The following UHRF2 variants were observed in gnomAD, a reference collection of about 807,000 sequenced individuals.
The protein encoded by UHRF2 is E3 ubiquitin-protein ligase UHRF2.
A neutral mutation model predicts 96.8 loss-of-function variants in UHRF2; 23 were observed. The observed-to-expected ratio is 0.24, with a 90% CI of 0.17 to 0.34. The LOEUF (loss-of-function observed/expected upper bound fraction) is 0.34, where lower values mean the gene tolerates loss of function less well. Among genes scored for constraint, UHRF2 ranks in the 10% least tolerant of loss-of-function variants. The pLI is 1.00. For synonymous variants in UHRF2, 385 were observed against 332.6 expected (o/e 1.16, Z -1.72); for missense variants, 685 against 981.5 (o/e 0.70, Z 4.04).
chr9:6,425,006 T>G (rs1373812029), intron 2 of UHRF2, among the ~76,000 whole-genome samples: 1 of 152,182 alleles, frequency 6.6e-6, no homozygotes, highest in Non-Finnish European at 1.5e-5. Context: ...AACACTGATG[T>G]GAACCTTAAT....
At chr9:6,434,257 G>A in intron 3 of UHRF2, 84 bp downstream of exon 3, 2 of 1,443,444 alleles carry the variant, frequency 1.4e-6, no homozygotes, top group Non-Finnish European at 9.2e-7. Flanking sequence ...ATTTTAAATA[G>A]TCTTTCTGAA....
chr9:6,493,594 T>A (rs1824800676), intron 9 of UHRF2, among the ~76,000 whole-genome samples: 1 of 152,226 alleles, frequency 6.6e-6, no homozygotes, highest in Non-Finnish European at 1.5e-5. Flanking sequence ...AGACTAACCA[T>A]ATTTGGAGAT....
chr9:6,413,852 C>G, intron 1 of UHRF2: 2 of 524,658 alleles, frequency 3.8e-6, no homozygotes, highest in African/African-American at 2.0e-5. Context: ...ACTGGAGGTG[C>G]GCCGCGCGGG....
At chr9:6,504,788 C>T (rs1442833380) in intron 15 of UHRF2, 97 bp downstream of exon 15, 13 of 935,300 alleles carry the variant, frequency 1.4e-5, no homozygotes, top group Middle Eastern at 2.2e-4. Flanking sequence ...TTCCGTGAAG[C>T]GGGATAGTTG....
intron 9 of UHRF2, among the ~76,000 whole-genome samples, chr9:6,489,687 T>C (rs1046891313): frequency 6.6e-6 from 1 of 152,084 alleles, no homozygotes; most frequent in African/African-American, 2.4e-5. Context: ...TTTAGTAGTA[T>C]AGCACTTCAG....
chr9:6,486,843 G>A lies in UHRF2; in HGVS notation c.1415G>A (p.Arg472Lys). ...TAGGTGAGCGAAGCAGGTGTTCACA[G>A]ACCCCATGTTGGTGGAATTCATGGT... ...RVQVSEAGVH[R>K]PHVGGIHGRS... The change falls in exon 9 of 16, where the codon AGA (arginine) becomes AAA (lysine). Residue 472 changes from arginine to lysine, a missense_variant. Arg to Lys is a conservative substitution (Grantham distance 26). This residue lies in a region of UHRF2 where 73 missense variants were observed against 283.7 expected (regional missense o/e 0.26). Transcript: ENST00000276893. The A allele has an allele frequency of 6.2e-7, 1 of 1,614,124 alleles. No individual in the cohort carries two copies. Among genetic ancestry groups the A allele is most frequent in the South Asian group, 1.1e-5 (1 of 91,072 alleles).
intron 2 of UHRF2, among the ~76,000 whole-genome samples, chr9:6,423,759 G>A (rs1460298979): frequency 1.3e-5 from 2 of 151,678 alleles, no homozygotes; most frequent in Non-Finnish European, 2.9e-5. Context: ...GCCTGGCCAA[G>A]ATGGTGAAAC....
At chr9:6,470,358 CAAAAAA>C (rs35859975) in intron 4 of UHRF2, among the ~76,000 whole-genome samples, 1 of 94,606 alleles carries the variant, frequency 1.1e-5, no homozygotes, top group African/African-American at 4.0e-5. Context: ...GACTCCATCT[CAAAAAA>C]AAAAAAAAAA....
intron 8 of UHRF2, among the ~76,000 whole-genome samples, chr9:6,485,819 A>C (rs917415314): frequency 3.4e-5 from 5 of 147,306 alleles, no homozygotes; most frequent in Admixed American, 1.3e-4. Context: ...AAAAAAAAAA[A>C]AAAAAAAAAC....
intron 4 of UHRF2, among the ~76,000 whole-genome samples, chr9:6,461,269 C>G (rs1822518356): frequency 6.6e-6 from 1 of 151,956 alleles, no homozygotes; most frequent in African/African-American, 2.4e-5. Context: ...AAAATGTCAC[C>G]TGAATCAAAT....
intron 10 of UHRF2, chr9:6,495,811 T>C (rs773108095): frequency 2.0e-5 from 3 of 152,230 alleles, no homozygotes; most frequent in Non-Finnish European, 2.9e-5. Context: ...GCAGTAATTA[T>C]GACTGAAGGT....
intron 3 of UHRF2, among the ~76,000 whole-genome samples, chr9:6,444,187 A>G (rs538756775): frequency 6.6e-6 from 1 of 152,346 alleles, no homozygotes; most frequent in Admixed American, 6.5e-5. Context: ...GGAGGGAACT[A>G]GAATGAGTTG....
In UHRF2 at chr9:6,506,299, T is replaced by G; in HGVS notation, c.*120T>G. 1 of 1,295,592 alleles carries G rather than the reference T, an allele frequency of 7.7e-7. No individual in the cohort carries two copies. Among genetic ancestry groups the G allele is most frequent in the Non-Finnish European group, 1.1e-6 (1 of 946,696 alleles). The allele number at this position is 1,295,592 out of a possible 1,614,324, so 80.3% of individuals were successfully genotyped here. On this transcript the variant is annotated 3_prime_UTR_variant, in exon 16 of 16. Transcript: ENST00000276893. ...TCTCACGTTCTGAAGCAGCTAATCC[T>G]CTTTCCCACATAGCCATCATCTTGT...
chr9:6,445,974 C>T (rs200525197), intron 3 of UHRF2, among the ~76,000 whole-genome samples: 1 of 106,186 alleles, frequency 9.4e-6, no homozygotes, highest in East Asian at 3.8e-4. Flanking sequence ...CTTCCCCCCC[C>T]GCCACCCTTT....
At chr9:6,419,830 T>G (rs1486112751) in intron 1 of UHRF2, among the ~76,000 whole-genome samples, 1 of 152,180 alleles carries the variant, frequency 6.6e-6, no homozygotes, top group Non-Finnish European at 1.5e-5. Flanking sequence ...AGCCATGACC[T>G]CCTGGGCTAA....
Position 6,506,283 on chromosome 9 carries a change from C to A in UHRF2, c.*104C>A. 7.0e-7 allele frequency: 1 copy of A among 1,433,200 alleles called. No individual in the cohort carries two copies. The highest frequency in any genetic ancestry group is 9.5e-7 in the Non-Finnish European group (1 of 1,055,388). The allele number at this position is 1,433,200 out of a possible 1,614,324, so 88.8% of individuals were successfully genotyped here. The stretch of plus-strand genomic sequence containing the variant: ...AATGGTGGACTGTATCTCTCACGTT[C>A]TGAAGCAGCTAATCCTCTTTCCCAC... On this transcript the variant is annotated 3_prime_UTR_variant, in exon 16 of 16. Transcript: ENST00000276893.
chr9:6,493,700 T>G (rs1824808344), intron 9 of UHRF2, 126 bp from the exon 10 acceptor site: 3 of 748,172 alleles, frequency 4.0e-6, no homozygotes. Flanking sequence ...TGCATTATTT[T>G]GGGAGATGCC....
At chr9:6,425,927 A>G (rs1296590140) in intron 2 of UHRF2, among the ~76,000 whole-genome samples, 1 of 152,220 alleles carries the variant, frequency 6.6e-6, no homozygotes, top group Non-Finnish European at 1.5e-5. Flanking sequence ...AACTATCTGT[A>G]TATTAAGTTT....
intron 10 of UHRF2, 114 bp downstream of exon 10, chr9:6,494,046 GAA>G: frequency 1.1e-6 from 1 of 878,018 alleles, no homozygotes; most frequent in South Asian, 1.9e-5. Flanking sequence ...TTAAAGATCT[GAA>G]ATTAAAATTC....
Sources: allele counts gnomAD v4.1 joint callset (sites outside exome capture counted in the v4.1 genomes callset), GRCh38; gene constraint gnomAD v4.1.1; regional missense constraint gnomAD v4.1.1; transcripts MANE v1.5; gene names NCBI Gene and HGNC (gene_info 2026-07-23, HGNC 2026-07-21).